The following C10orf143 variants were observed in gnomAD, a reference collection of about 807,000 sequenced individuals.
The protein encoded by C10orf143 is chromosome 10 open reading frame 143.
chr10:130,045,458 C>T (rs1487900103), intron 3 of C10orf143, among the ~76,000 whole-genome samples: 1 of 152,238 alleles, frequency 6.6e-6, no homozygotes, highest in African/African-American at 2.4e-5. Flanking sequence ...GCCCACAGTG[C>T]CCCGCAGACA....
rs1861688795 is a variant in C10orf143, at chr10:130,108,039, A to G, written c.69+2665T>C. ...ATGGAATCCAGTAGAAATGACACCA[A>G]AGATGATCTTGGTAATTTAAATATC... On this transcript the variant is annotated intron_variant, in intron 1 of 3. Coordinates refer to ENST00000637128, the MANE Select transcript of C10orf143 (RefSeq NM_001355042.2). 3 of 1,486,350 alleles carry G rather than the reference A, an allele frequency of 2.0e-6. No individual in the cohort carries two copies. In the African/African-American group the frequency reaches 4.1e-5, roughly 20 times the overall value. The allele number at this position is 1,486,350 out of a possible 1,614,324, so 92.1% of individuals were successfully genotyped here.
chr10:130,071,573 T>C (rs1861033506), intron 3 of C10orf143, among the ~76,000 whole-genome samples: 1 of 152,244 alleles, frequency 6.6e-6, no homozygotes. Context: ...AAGCTTTTCT[T>C]AGACAATGAT....
intron 3 of C10orf143, among the ~76,000 whole-genome samples, chr10:130,078,617 C>T (rs1861157717): frequency 6.6e-6 from 1 of 152,076 alleles, no homozygotes. Flanking sequence ...ACTTTGTTTT[C>T]CTATTTGTCT....
At chr10:130,099,510 T>TTTTTTTTATTTA (rs991203504) in intron 1 of C10orf143, among the ~76,000 whole-genome samples, 1 of 148,548 alleles carries the variant, frequency 6.7e-6, no homozygotes, top group African/African-American at 2.5e-5. Context: ...CTTCTTTTAT[T>TTTTTTTTATTTA]TTTATTTATT....
intron 3 of C10orf143, among the ~76,000 whole-genome samples, chr10:130,048,515 C>T (rs942656830): frequency 6.6e-5 from 10 of 152,160 alleles, no homozygotes; most frequent in South Asian, 4.1e-4. Flanking sequence ...CCCCAACTCA[C>T]GTCACAGGGC....
chr10:130,102,975 G>A (rs1174999171), intron 1 of C10orf143, among the ~76,000 whole-genome samples: 1 of 114,540 alleles, frequency 8.7e-6, no homozygotes, highest in Non-Finnish European at 1.9e-5. Context: ...TTATAATTGA[G>A]TCTTTTTTTT....
At chr10:130,082,316 G>C (rs1477277615) in intron 1 of C10orf143, among the ~76,000 whole-genome samples, 3 of 152,014 alleles carry the variant, frequency 2.0e-5, no homozygotes, top group Non-Finnish European at 4.4e-5. Flanking sequence ...CCAGCAGGAT[G>C]GACTTTTTAA....
intron 3 of C10orf143, chr10:130,067,780 A>C (rs1418519138): frequency 1.3e-5 from 2 of 152,054 alleles, no homozygotes; most frequent in Non-Finnish European, 1.5e-5. Context: ...CACCTGTCAC[A>C]CCCTTGCCTC....
intron 2 of C10orf143, 44 bp from the exon 3 acceptor site, chr10:130,079,672 A>G: frequency 2.5e-6 from 1 of 398,944 alleles, no homozygotes; most frequent in East Asian, 3.6e-5. Context: ...AACAATGATT[A>G]TTTACACTTT....
chr10:130,060,568 A>C (rs1030476406), downstream of C10orf143, among the ~76,000 whole-genome samples: 5 of 152,232 alleles, frequency 3.3e-5, no homozygotes, highest in Admixed American at 3.3e-4. Context: ...TCACGCCTGT[A>C]ATCCCAGCAC....
At chr10:130,049,738 G>A (rs544585406) in intron 3 of C10orf143, among the ~76,000 whole-genome samples, 21 of 152,180 alleles carry the variant, frequency 1.4e-4, no homozygotes, top group Non-Finnish European at 2.6e-4. Context: ...AGAAAGAGGC[G>A]CTTTGAGTCC....
At chr10:130,073,921 G>C (rs1246507093) in intron 3 of C10orf143, among the ~76,000 whole-genome samples, 1 of 152,060 alleles carries the variant, frequency 6.6e-6, no homozygotes, top group Admixed American at 6.5e-5. Flanking sequence ...TCTGGGATTC[G>C]TATTTGGCTA....
intron 1 of C10orf143, among the ~76,000 whole-genome samples, chr10:130,086,425 G>A (rs564239877): frequency 1.5e-4 from 23 of 152,226 alleles, no homozygotes; most frequent in African/African-American, 5.3e-4. Flanking sequence ...TCCTTATTCT[G>A]CCATATATTA....
chr10:130,097,867 A>G (rs1274154519), intron 1 of C10orf143, among the ~76,000 whole-genome samples: 1 of 152,192 alleles, frequency 6.6e-6, no homozygotes, highest in Non-Finnish European at 1.5e-5. Context: ...AAATCCAGAG[A>G]GAGAAAGTCA....
chr10:130,080,330 C>A (rs987840455), intron 1 of C10orf143, among the ~76,000 whole-genome samples: 3 of 152,312 alleles, frequency 2.0e-5, no homozygotes, highest in African/African-American at 7.2e-5. Context: ...GTCTCACTGG[C>A]ACTGAAGAGC....
chr10:130,060,864 G>A (rs1274198173), downstream of C10orf143, among the ~76,000 whole-genome samples: 4 of 150,714 alleles, frequency 2.7e-5, no homozygotes, highest in East Asian at 5.9e-4. Context: ...TAGGCCGGGC[G>A]CGGTGGCTCA....
intron 3 of C10orf143, among the ~76,000 whole-genome samples, chr10:130,053,269 C>T (rs926295226): frequency 6.6e-6 from 1 of 152,154 alleles, no homozygotes; most frequent in Non-Finnish European, 1.5e-5. Context: ...CTATGTTGGC[C>T]AGGATGGTCT....
In C10orf143 at chr10:130,079,898, G is replaced by A. The variant is rs1210259266; in HGVS notation, c.73C>T (p.Arg25Trp). Residue 25 changes from arginine to tryptophan, a missense_variant, in exon 2 of 4, where the codon CGG (arginine) becomes TGG (tryptophan). Coordinates refer to ENST00000637128, the MANE Select transcript of C10orf143 (RefSeq NM_001355042.2). ...EDLQVPGDVK[R>W]VCRRLEASGH... Reference sequence around the variant, plus strand: ...CTGGCTTCTAATCTCCTGCATACCCGTTTCTGAAACAAACAAAATTTTACT... The same window carrying A: ...CTGGCTTCTAATCTCCTGCATACCCATTTCTGAAACAAACAAAATTTTACT... The A allele has an allele frequency of 3.5e-5, 14 of 398,572 alleles. No individual in the cohort carries two copies. Among genetic ancestry groups the A allele is most frequent in the South Asian group, 1.3e-4 (1 of 7,860 alleles). 24.7% of individuals were successfully genotyped at this position (398,572 alleles called of 1,614,324 possible). A position where few individuals can be genotyped will look rare whatever the true frequency, so the allele number is the denominator to read the frequency against.
At chr10:130,037,091 C>T (rs1860553188) in intron 3 of C10orf143, among the ~76,000 whole-genome samples, 1 of 152,134 alleles carries the variant, frequency 6.6e-6, no homozygotes, top group Non-Finnish European at 1.5e-5. Context: ...AAAGCTTGGC[C>T]TCAATGGCAT....
Sources: gnomAD v4.1 joint callset for allele counts (sites outside exome capture counted in the v4.1 genomes callset) on GRCh38, gnomAD v4.1.1 for gene constraint, MANE v1.5 for transcripts, NCBI Gene and HGNC (gene_info 2026-07-23, HGNC 2026-07-21) for gene names.